The following SNX10 variants were observed in gnomAD, a reference collection of about 807,000 sequenced individuals.
SNX10 encodes sorting nexin-10.
Under a neutral mutation model 28.5 loss-of-function variants are expected in SNX10, and 25 were observed. That is an observed-to-expected ratio of 0.88 (90% CI 0.64 to 1.22). The LOEUF is 1.22. SNX10 is among the 50% of genes most tolerant of loss of function. The probability of loss-of-function intolerance (pLI) is 0.00; values close to 1 mark genes in which losing one functional copy is unlikely to be tolerated. For missense variants in SNX10, 223 were observed against 242.6 expected (o/e 0.92, Z 0.54); for synonymous variants, 62 against 81.4 (o/e 0.76, Z 1.28).
intron 1 of SNX10, among the ~76,000 whole-genome samples, chr7:26,321,547 T>C (rs184503547): frequency 6.6e-6 from 1 of 152,332 alleles, no homozygotes; most frequent in East Asian, 1.9e-4. Flanking sequence ...CTGAGCTCTT[T>C]CCTGGCCTGC....
At chr7:26,298,146 C>T (rs1173376182) in intron 1 of SNX10, among the ~76,000 whole-genome samples, 4 of 148,070 alleles carry the variant, frequency 2.7e-5, no homozygotes, top group East Asian at 4.1e-4. Context: ...CACTTGAACT[C>T]GGGAGGTGGA....
chr7:26,330,926 G>A (rs968595835), intron 1 of SNX10, among the ~76,000 whole-genome samples: 3 of 152,136 alleles, frequency 2.0e-5, no homozygotes, highest in Non-Finnish European at 4.4e-5. Context: ...AAGACAGGAG[G>A]ATCACTTGAG....
At chr7:26,340,436 C>T (rs2014735) in intron 1 of SNX10, among the ~76,000 whole-genome samples, 30,122 of 152,184 alleles carry the variant, frequency 0.2, 3,555 homozygotes, top group East Asian at 0.44. Flanking sequence ...ATCTGACCCT[C>T]TACAGAAAAA....
In SNX10 at chr7:26,357,860, C is replaced by T. The variant is rs573171525; in HGVS notation, c.25-3115C>T. Among the ~76,000 whole-genome samples, 5 of 151,990 alleles carry T rather than the reference C, an allele frequency of 3.3e-5. No homozygotes were observed. In the South Asian group the frequency reaches 6.2e-4, roughly 19 times the overall value. On this transcript the variant is annotated intron_variant, in intron 2 of 6. Coordinates refer to ENST00000338523, the MANE Select transcript of SNX10 (RefSeq NM_013322.3). ...TGCTGTGGGAAGGGTATGGACATGG[C>T]GTGCTCAAGGGACTTCTAGGTGGAT...
intron 1 of SNX10, among the ~76,000 whole-genome samples, chr7:26,293,633 A>G (rs906587440): frequency 6.6e-6 from 1 of 152,254 alleles, no homozygotes; most frequent in Non-Finnish European, 1.5e-5. Flanking sequence ...AGTGATTAGC[A>G]TGGACTCAAC....
chr7:26,333,734 T>C (rs916882063), intron 1 of SNX10, among the ~76,000 whole-genome samples: 1 of 152,156 alleles, frequency 6.6e-6, no homozygotes, highest in African/African-American at 2.4e-5. Flanking sequence ...AAAAAATGTT[T>C]TGTTGGCAGG....
chr7:26,344,025 T>A (rs987230450), intron 1 of SNX10, among the ~76,000 whole-genome samples: 1 of 152,046 alleles, frequency 6.6e-6, no homozygotes, highest in African/African-American at 2.4e-5. Flanking sequence ...GGTGTACAGT[T>A]CAGTGGTGTG....
At chr7:26,325,047 G>A (rs979569221) in intron 1 of SNX10, among the ~76,000 whole-genome samples, 2 of 151,600 alleles carry the variant, frequency 1.3e-5, no homozygotes, top group Non-Finnish European at 1.5e-5. Flanking sequence ...ATCCAGCTGG[G>A]AGGCTTTGAA....
At chr7:26,331,506 G>A (rs1264420897) in intron 1 of SNX10, among the ~76,000 whole-genome samples, 5 of 150,574 alleles carry the variant, frequency 3.3e-5, no homozygotes, top group Non-Finnish European at 5.9e-5. Flanking sequence ...GGATCACTTG[G>A]GCCTGGGAGG....
chr7:26,299,904 A>G (rs959455812), intron 1 of SNX10, among the ~76,000 whole-genome samples: 5 of 151,998 alleles, frequency 3.3e-5, no homozygotes, highest in African/African-American at 9.7e-5. Flanking sequence ...TCTGTTTTCA[A>G]AAAAACTTTT....
chr7:26,367,596 C>T (rs1789347108), intron 5 of SNX10, among the ~76,000 whole-genome samples: 1 of 152,170 alleles, frequency 6.6e-6, no homozygotes, highest in South Asian at 2.1e-4. Flanking sequence ...CCCCAGCCTC[C>T]CTTCTGTGTC....
At chr7:26,310,830 CT>C (rs1203507586) in intron 1 of SNX10, among the ~76,000 whole-genome samples, 1 of 152,018 alleles carries the variant, frequency 6.6e-6, no homozygotes, top group Non-Finnish European at 1.5e-5. Flanking sequence ...CTACAGGCGC[CT>C]GCCACCACGG....
At chr7:26,358,350 A>G (rs1466022713) in intron 2 of SNX10, among the ~76,000 whole-genome samples, 1 of 152,202 alleles carries the variant, frequency 6.6e-6, no homozygotes, top group African/African-American at 2.4e-5. Flanking sequence ...ATTTGGTTTA[A>G]AAATGGTTTT....
chr7:26,338,541 A>AAG (rs1376419878), intron 1 of SNX10, among the ~76,000 whole-genome samples: 2 of 152,090 alleles, frequency 1.3e-5, no homozygotes, highest in Non-Finnish European at 2.9e-5. Flanking sequence ...AGCTGGGACT[A>AAG]CAGGCGCCCG....
Position 26,357,829 on chromosome 7 carries a change from G to A in SNX10, c.25-3146G>A, listed in dbSNP as rs1486843503. Among the ~76,000 whole-genome samples the A allele has an allele frequency of 4.6e-5, 7 of 152,092 alleles. No individual in the cohort carries two copies. The East Asian group carries it at 1.4e-3, about 29-fold the overall frequency. ...GAGATGCTCTTCACTGAGAAGGGGA[G>A]CAGGATGCTGTGGGAAGGGTATGGA... is the stretch of plus-strand genomic sequence containing the variant. On this transcript the variant is annotated intron_variant, in intron 2 of 6. Transcript: ENST00000338523.
rs1789608557 is a variant in SNX10 at position 26,372,651 on chromosome 7, T to G, written c.*79T>G. 3 of 857,700 alleles carry G rather than the reference T, an allele frequency of 3.5e-6. No individual in the cohort carries two copies. The highest frequency in any genetic ancestry group is 6.0e-6 in the Non-Finnish European group (3 of 500,870). The allele number at this position is 857,700 out of a possible 1,614,324, so 53.1% of individuals were successfully genotyped here. The stretch of plus-strand genomic sequence containing the variant: ...AGAAGAAAGCTTCATAATAATACAT[T>G]CTTACCTAAAGCTCACTGTCATGAT... On this transcript the variant is annotated 3_prime_UTR_variant, in exon 7 of 7. Coordinates refer to ENST00000338523, the MANE Select transcript of SNX10 (RefSeq NM_013322.3).
At chr7:26,346,288 C>T in intron 1 of SNX10, 132 bp from the exon 2 acceptor site, 1 of 695,094 alleles carries the variant, frequency 1.4e-6, no homozygotes, top group Admixed American at 2.1e-5. Flanking sequence ...GTGGGAGGAG[C>T]AGAGGCTCAC....
intron 1 of SNX10, among the ~76,000 whole-genome samples, chr7:26,346,143 C>T (rs73068448): frequency 0.11 from 16,841 of 152,218 alleles, 1,279 homozygotes; most frequent in Non-Finnish European, 0.17. Flanking sequence ...AAGGCTCCAG[C>T]CCCAGCCTGA....
chr7:26,337,263 G>A (rs1434919996), intron 1 of SNX10, among the ~76,000 whole-genome samples: 3 of 152,112 alleles, frequency 2.0e-5, no homozygotes, highest in African/African-American at 7.2e-5. Context: ...CATGAAATTT[G>A]CAATCTTACC....
Sources: gnomAD v4.1 joint callset for allele counts (sites outside exome capture counted in the v4.1 genomes callset) on GRCh38, gnomAD v4.1.1 for gene constraint, MANE v1.5 for transcripts, NCBI Gene and HGNC (gene_info 2026-07-23, HGNC 2026-07-21) for gene names.